Variants in TNFSF4 observed in about 807,000 individuals in gnomAD.
TNFSF4 encodes the protein TNF superfamily member 4, also known as tumor necrosis factor ligand superfamily member 4.
Under a neutral mutation model 7.3 loss-of-function variants are expected in TNFSF4, and 4 were observed. The ratio of observed to expected loss-of-function variants is 0.55; its 90% CI spans 0.27 to 1.25. The LOEUF (loss-of-function observed/expected upper bound fraction) is 1.25, where lower values mean the gene tolerates loss of function less well. Ranked by LOEUF, TNFSF4 falls within the 50% of genes most tolerant of loss-of-function variation. The pLI is 0.12. For synonymous variants in TNFSF4, 76 were observed against 83.7 expected, an observed-to-expected ratio of 0.91 and a Z score of 0.50; for missense variants, 181 against 208.8, an observed-to-expected ratio of 0.87 and a Z score of 0.82.
the TNFSF4 span, among the ~76,000 whole-genome samples, chr1:173,224,201 A>G: frequency 6.6e-6 from 1 of 152,250 alleles, no homozygotes; most frequent in African/African-American, 2.4e-5. Flanking sequence ...GTAAGTGTCC[A>G]TTGCCCTATT....
chr1:173,326,689 G>C, the TNFSF4 span, among the ~76,000 whole-genome samples: 1 of 152,210 alleles, frequency 6.6e-6, no homozygotes, highest in Non-Finnish European at 1.5e-5. Context: ...CAAAATCAAT[G>C]TGCAAAAATC....
At chr1:173,282,064 G>A in the TNFSF4 span, among the ~76,000 whole-genome samples, 1 of 152,192 alleles carries the variant, frequency 6.6e-6, no homozygotes, top group Non-Finnish European at 1.5e-5. Flanking sequence ...GGGTGGTAAA[G>A]AGATATTGGT....
At chr1:173,216,226 C>G in the TNFSF4 span, among the ~76,000 whole-genome samples, 71 of 152,154 alleles carry the variant, frequency 4.7e-4, 1 homozygote, top group Non-Finnish European at 9.7e-4. Flanking sequence ...AATCCCCTTA[C>G]ATGGGCATCT....
At chr1:173,385,283 T>C in the TNFSF4 span, among the ~76,000 whole-genome samples, 22 of 152,320 alleles carry the variant, frequency 1.4e-4, no homozygotes, top group African/African-American at 4.6e-4. Context: ...CACCGGTGAA[T>C]TGTTTTCATA....
chr1:173,306,758 A>T, the TNFSF4 span, among the ~76,000 whole-genome samples: 8 of 151,912 alleles, frequency 5.3e-5, no homozygotes, highest in African/African-American at 1.9e-4. Flanking sequence ...AGAGAACTCA[A>T]TATGACTTCC....
chr1:173,210,432 C>T (rs571900649), upstream of TNFSF4, among the ~76,000 whole-genome samples: 30 of 152,066 alleles, frequency 2.0e-4, 1 homozygote, highest in Non-Finnish European at 2.5e-4. Flanking sequence ...GCCTGTTGGG[C>T]CAGGAGTGAG....
At chr1:173,181,841 G>A (rs1046334264), downstream of TNFSF4, among the ~76,000 whole-genome samples, 17 of 152,182 alleles carry the variant, frequency 1.1e-4, no homozygotes, top group African/African-American at 4.1e-4. Context: ...TGATCCCGTG[G>A]AGTGAATGAG....
At chr1:173,286,686 C>A in the TNFSF4 span, among the ~76,000 whole-genome samples, 1 of 151,934 alleles carries the variant, frequency 6.6e-6, no homozygotes, top group East Asian at 1.9e-4. Flanking sequence ...TTGGGAAAGA[C>A]AAACATTTCT....
intron 1 of TNFSF4, among the ~76,000 whole-genome samples, chr1:173,193,314 A>G (rs1012592727): frequency 6.6e-6 from 1 of 152,200 alleles, no homozygotes; most frequent in Admixed American, 6.5e-5. Context: ...AGCTTCTTCA[A>G]TCTGGAAGGT....
At chr1:173,341,644 G>C in the TNFSF4 span, among the ~76,000 whole-genome samples, 2 of 152,156 alleles carry the variant, frequency 1.3e-5, no homozygotes, top group Admixed American at 6.5e-5. Context: ...TTGCAAACAG[G>C]AGACATTACA....
At chr1:173,247,713 A>T in the TNFSF4 span, among the ~76,000 whole-genome samples, 1 of 152,202 alleles carries the variant, frequency 6.6e-6, no homozygotes, top group Non-Finnish European at 1.5e-5. Flanking sequence ...TCAGTGATGT[A>T]GGAAAGTATA....
chr1:173,187,997 CAGG>C (rs1649304494), intron 2 of TNFSF4, among the ~76,000 whole-genome samples: 10 of 152,278 alleles, frequency 6.6e-5, no homozygotes, highest in Admixed American at 4.6e-4. Flanking sequence ...CCCTCAGGCT[CAGG>C]AGAACTTAAC....
chr1:173,355,476 G>C, the TNFSF4 span, among the ~76,000 whole-genome samples: 1 of 152,154 alleles, frequency 6.6e-6, no homozygotes, highest in Non-Finnish European at 1.5e-5. Context: ...GTCTAAGGAA[G>C]CATCTCAGTT....
At chr1:173,347,507 A>G in the TNFSF4 span, among the ~76,000 whole-genome samples, 2,599 of 152,338 alleles carry the variant, frequency 0.017, 79 homozygotes, top group African/African-American at 0.06. Flanking sequence ...ATCATGCAGT[A>G]AGTATTAACT....
At chr1:173,208,831 A>G (rs1313977476), upstream of TNFSF4, among the ~76,000 whole-genome samples, 1 of 152,020 alleles carries the variant, frequency 6.6e-6, no homozygotes, top group African/African-American at 2.4e-5. Context: ...ATTTTCAAAA[A>G]ATGACTAAGA....
At chr1:173,329,833 G>GA in the TNFSF4 span, among the ~76,000 whole-genome samples, 21 of 145,310 alleles carry the variant, frequency 1.4e-4, no homozygotes, top group East Asian at 6.0e-4. Flanking sequence ...CACAAAAAAA[G>GA]AAAAAAAAAA....
chr1:173,342,101 G>T, the TNFSF4 span, among the ~76,000 whole-genome samples: 1 of 152,128 alleles, frequency 6.6e-6, no homozygotes. Context: ...TACTGCAAGG[G>T]GGGAGGGGAC....
At chr1:173,204,477 C>T (rs547819623) in intron 1 of TNFSF4, among the ~76,000 whole-genome samples, 43 of 152,196 alleles carry the variant, frequency 2.8e-4, no homozygotes, top group Admixed American at 1.4e-3. Context: ...GGAAAGCTGA[C>T]GGCCAAATGG....
At chr1:173,244,658 C>CCA in the TNFSF4 span, among the ~76,000 whole-genome samples, 10 of 135,986 alleles carry the variant, frequency 7.4e-5, no homozygotes, top group African/African-American at 3.0e-4. Flanking sequence ...AAACAAAAAA[C>CCA]AAAAAAAACA....
Sources: gnomAD v4.1 joint callset for allele counts (sites outside exome capture counted in the v4.1 genomes callset) on GRCh38, gnomAD v4.1.1 for gene constraint, MANE v1.5 for transcripts, NCBI Gene and HGNC (gene_info 2026-07-23, HGNC 2026-07-21) for gene names.